XKR9: variants seen among roughly 807,000 people sequenced by gnomAD.
XKR9 encodes XK related 9, also known as XK-related protein 9.
A neutral mutation model predicts 32.0 loss-of-function variants in XKR9; 32 were observed. The observed-to-expected ratio is 1.00, with a 90% CI of 0.76 to 1.34. XKR9 has a LOEUF of 1.34. XKR9 is among the 40% of genes most tolerant of loss of function. The pLI is 0.00. For missense variants in XKR9, 546 were observed against 429.7 expected, an observed-to-expected ratio of 1.27 and a Z score of -2.39; for synonymous variants, 168 against 143.4, an observed-to-expected ratio of 1.17 and a Z score of -1.22.
chr8:70,952,591 G>A, the XKR9 span, among the ~76,000 whole-genome samples: 2 of 152,252 alleles, frequency 1.3e-5, no homozygotes, highest in South Asian at 2.1e-4. Context: ...AGAGAGAAGA[G>A]GCATTGAAAG....
chr8:70,972,492 C>G, the XKR9 span, among the ~76,000 whole-genome samples: 2 of 152,082 alleles, frequency 1.3e-5, no homozygotes, highest in Non-Finnish European at 2.9e-5. Flanking sequence ...CTGGGACTTA[C>G]AGTACTATGT....
chr8:70,743,026 T>C (rs1037386067), intron 2 of XKR9, among the ~76,000 whole-genome samples: 1 of 152,118 alleles, frequency 6.6e-6, no homozygotes, highest in Admixed American at 6.5e-5. Flanking sequence ...CTTTATCTTC[T>C]TGGAGTCCAC....
intron 3 of XKR9, among the ~76,000 whole-genome samples, chr8:70,694,711 A>G (rs545243124): frequency 3.9e-5 from 6 of 152,348 alleles, no homozygotes; most frequent in East Asian, 1.9e-4. Context: ...GTAGCTGGCT[A>G]GAATTCCAAG....
At chr8:71,021,457 T>C in the XKR9 span, among the ~76,000 whole-genome samples, 54 of 152,172 alleles carry the variant, frequency 3.5e-4, no homozygotes, top group African/African-American at 1.3e-3. Context: ...CAAATATTTT[T>C]TCCCATTTTG....
At chr8:70,822,352 T>A in the XKR9 span, among the ~76,000 whole-genome samples, 1 of 152,044 alleles carries the variant, frequency 6.6e-6, no homozygotes, top group Non-Finnish European at 1.5e-5. Context: ...ATCATAATTG[T>A]CATGGAAGAA....
the XKR9 span, among the ~76,000 whole-genome samples, chr8:71,065,445 C>G: frequency 6.6e-6 from 1 of 152,332 alleles, no homozygotes; most frequent in East Asian, 1.9e-4. Flanking sequence ...TGCTTACATC[C>G]TGATCTCAGA....
At chr8:71,046,249 A>G in the XKR9 span, among the ~76,000 whole-genome samples, 4 of 152,256 alleles carry the variant, frequency 2.6e-5, no homozygotes, top group Non-Finnish European at 4.4e-5. Flanking sequence ...GGAAATGGAT[A>G]GATTATTAAT....
chr8:70,997,958 T>C, the XKR9 span, among the ~76,000 whole-genome samples: 3 of 152,086 alleles, frequency 2.0e-5, no homozygotes, highest in Non-Finnish European at 2.9e-5. Flanking sequence ...TGAGCAGAAA[T>C]TCCCCCTACC....
chr8:70,762,472 G>T (rs747993861), intron 2 of XKR9, among the ~76,000 whole-genome samples: 2 of 152,160 alleles, frequency 1.3e-5, no homozygotes, highest in African/African-American at 4.8e-5. Flanking sequence ...TCTCATAGGA[G>T]CATGAACCAT....
intron 4 of XKR9, among the ~76,000 whole-genome samples, chr8:70,721,354 T>G (rs539468855): frequency 6.6e-6 from 1 of 152,294 alleles, no homozygotes; most frequent in Admixed American, 6.5e-5. Flanking sequence ...CTTTTGAATT[T>G]GTTTGCTCTT....
At chr8:70,967,435 T>A in the XKR9 span, among the ~76,000 whole-genome samples, 538 of 152,194 alleles carry the variant, frequency 3.5e-3, 3 homozygotes, top group African/African-American at 0.012. Flanking sequence ...CCTATTTATG[T>A]TTAAGGTTGG....
At chr8:70,729,819 C>T (rs1312222488) in intron 4 of XKR9, among the ~76,000 whole-genome samples, 3 of 151,986 alleles carry the variant, frequency 2.0e-5, no homozygotes, top group Non-Finnish European at 4.4e-5. Context: ...CCAAAGAAAG[C>T]CAAACAGCAT....
chr8:71,014,029 T>C, the XKR9 span, among the ~76,000 whole-genome samples: 2 of 152,116 alleles, frequency 1.3e-5, no homozygotes, highest in Admixed American at 6.6e-5. Context: ...TTCTCCTTCC[T>C]GCCAGTGAAA....
the XKR9 span, among the ~76,000 whole-genome samples, chr8:71,030,884 C>A: frequency 6.6e-6 from 1 of 152,136 alleles, no homozygotes; most frequent in Non-Finnish European, 1.5e-5. Context: ...TTCCCAATAT[C>A]TGTAATTCAG....
the XKR9 span, among the ~76,000 whole-genome samples, chr8:70,849,087 CA>C: frequency 6.6e-6 from 1 of 152,098 alleles, no homozygotes; most frequent in African/African-American, 2.4e-5. Flanking sequence ...AGCTCTGCAC[CA>C]AGTGGACCTA....
intron 3 of XKR9, among the ~76,000 whole-genome samples, chr8:70,685,354 G>C (rs1398047476): frequency 1.0e-5 from 1 of 95,330 alleles, no homozygotes; most frequent in Non-Finnish European, 1.9e-5. Context: ...GTGGGGTGGG[G>C]GGAGGGGGGA....
At chr8:70,822,544 G>T in the XKR9 span, among the ~76,000 whole-genome samples, 15 of 150,526 alleles carry the variant, frequency 1.0e-4, no homozygotes, top group Non-Finnish European at 1.9e-4. Flanking sequence ...TGAATTATAT[G>T]TTTATAATAA....
intron 4 of XKR9, among the ~76,000 whole-genome samples, chr8:70,724,115 C>T (rs1302859629): frequency 6.6e-6 from 1 of 151,906 alleles, no homozygotes; most frequent in Non-Finnish European, 1.5e-5. Flanking sequence ...GGCACTCTGG[C>T]CACAGCCATT....
chr8:70,711,890 T>G (rs1356010538), intron 4 of XKR9, among the ~76,000 whole-genome samples: 1 of 127,822 alleles, frequency 7.8e-6, no homozygotes, highest in East Asian at 2.1e-4. Context: ...CTAGGCTCAC[T>G]ACCTGGGTGA....
Sources: allele counts gnomAD v4.1 joint callset (sites outside exome capture counted in the v4.1 genomes callset), GRCh38; gene constraint gnomAD v4.1.1; transcripts MANE v1.5; gene names NCBI Gene and HGNC (gene_info 2026-07-23, HGNC 2026-07-21).